The following CSMD1 variants were observed in gnomAD, a reference collection of about 807,000 sequenced individuals.
The protein encoded by CSMD1 is CUB and sushi domain-containing protein 1.
CSMD1 carries 213 observed loss-of-function variants against 417.5 expected under a neutral mutation model. The ratio of observed to expected loss-of-function variants is 0.51; its 90% CI spans 0.46 to 0.57. CSMD1 has a LOEUF of 0.57. CSMD1 is among the 20% of genes least tolerant of loss of function. The probability of loss-of-function intolerance (pLI) is 0.00; values close to 1 mark genes in which losing one functional copy is unlikely to be tolerated. For missense variants in CSMD1, 6,923 were observed against 4,529.7 expected, an observed-to-expected ratio of 1.53 and a Z score of -15.17; for synonymous variants, 2,862 against 1,736.8, an observed-to-expected ratio of 1.65 and a Z score of -16.11.
chr8:4,418,864 G>A (rs547270043), intron 3 of CSMD1, among the ~76,000 whole-genome samples: 14 of 152,232 alleles, frequency 9.2e-5, no homozygotes, highest in African/African-American at 2.9e-4. Context: ...AAATGCGGTG[G>A]CATGAAAGAC....
intron 24 of CSMD1, 77 bp from the exon 25 acceptor site, chr8:3,307,898 A>G: frequency 1.3e-6 from 2 of 1,506,316 alleles, no homozygotes; most frequent in Non-Finnish European, 1.8e-6. Context: ...TTCAAAACCA[A>G]AGCCATTATG....
chr8:4,261,368 A>C (rs551381078), intron 3 of CSMD1, among the ~76,000 whole-genome samples: 9 of 152,264 alleles, frequency 5.9e-5, no homozygotes, highest in Non-Finnish European at 2.9e-5. Context: ...TCTTCTCAGA[A>C]ATAGAGATTA....
intron 1 of CSMD1, among the ~76,000 whole-genome samples, chr8:4,881,971 T>C (rs992172053): frequency 2.0e-5 from 3 of 151,960 alleles, no homozygotes; most frequent in African/African-American, 7.3e-5. Flanking sequence ...GGATATGACA[T>C]GGGGCTCAGC....
chr8:4,981,221 T>G (rs1186058414), intron 1 of CSMD1, among the ~76,000 whole-genome samples: 1 of 152,216 alleles, frequency 6.6e-6, no homozygotes, highest in African/African-American at 2.4e-5. Context: ...GTACAGTGTG[T>G]CATACAACAA....
intron 3 of CSMD1, among the ~76,000 whole-genome samples, chr8:4,347,274 C>T (rs1286776084): frequency 6.6e-6 from 1 of 152,092 alleles, no homozygotes; most frequent in Non-Finnish European, 1.5e-5. Flanking sequence ...GTAATCTCAC[C>T]TTGGCCCTCT....
chr8:3,772,377 ATTCATATATT>A, intron 5 of CSMD1, among the ~76,000 whole-genome samples: 1 of 140,010 alleles, frequency 7.1e-6, no homozygotes, highest in African/African-American at 2.7e-5. Context: ...ATATACATAT[ATTCATATATT>A]TATATATACA....
chr8:3,979,109 A>G (rs543628256), intron 5 of CSMD1, among the ~76,000 whole-genome samples: 3 of 152,204 alleles, frequency 2.0e-5, no homozygotes, highest in Non-Finnish European at 4.4e-5. Flanking sequence ...GCATTTAGAG[A>G]GCTCTACTTC....
intron 26 of CSMD1, among the ~76,000 whole-genome samples, chr8:3,274,117 G>C (rs1802083858): frequency 6.6e-6 from 1 of 151,706 alleles, no homozygotes; most frequent in East Asian, 1.9e-4. Context: ...CAGAGACTCT[G>C]GTATGTTGTG....
Position 4,309,564 on chromosome 8 carries a change from G to C in CSMD1, c.415+110389C>G, listed in dbSNP as rs760203163. 6.6e-4 allele frequency among the ~76,000 whole-genome samples: 100 copies of C among 152,138 alleles called. 2 individuals carry two copies. The highest frequency in any genetic ancestry group is 1.1e-3 in the Non-Finnish European group (72 of 67,992). On this transcript the variant is annotated intron_variant, in intron 3 of 69. Transcript: ENST00000635120. Reference sequence around the variant, plus strand: ...ATAAATCATAGGCTCACATCAAGCAGCCAAACTCTCAGTTCATATGAAATT... The same window carrying C: ...ATAAATCATAGGCTCACATCAAGCACCCAAACTCTCAGTTCATATGAAATT...
At chr8:3,597,956 G>A (rs977296206) in intron 8 of CSMD1, among the ~76,000 whole-genome samples, 4 of 152,274 alleles carry the variant, frequency 2.6e-5, no homozygotes, top group Non-Finnish European at 4.4e-5. Flanking sequence ...TGCACGTTGT[G>A]CACATGTACC....
At chr8:3,384,679 A>G (rs1364936016) in intron 18 of CSMD1, among the ~76,000 whole-genome samples, 3 of 128,550 alleles carry the variant, frequency 2.3e-5, no homozygotes, top group Non-Finnish European at 4.7e-5. Flanking sequence ...CTATTTATAT[A>G]TAAATATATA....
chr8:3,664,351 T>C (rs1445969028), intron 7 of CSMD1, among the ~76,000 whole-genome samples: 1 of 152,196 alleles, frequency 6.6e-6, no homozygotes, highest in East Asian at 1.9e-4. Context: ...AAAATTAAAA[T>C]ATTGGACTTC....
Position 4,792,092 on chromosome 8 carries a change from G to T in CSMD1, c.86-154534C>A, listed in dbSNP as rs531263531. Among the ~76,000 whole-genome samples, 157 of 152,038 alleles carry T rather than the reference G, an allele frequency of 1.0e-3. 1 individual carries two copies. The highest frequency in any genetic ancestry group is 1.9e-3 in the Non-Finnish European group (129 of 67,968). On this transcript the variant is annotated intron_variant, in intron 1 of 69. Coordinates refer to ENST00000635120, the MANE Select transcript of CSMD1 (RefSeq NM_033225.6). ...GTTTTAACTTTAATTCTTTCTATAT[G>T]GAGATCCCTTCCTCCGTATTTTCTA... is the stretch of plus-strand genomic sequence containing the variant.
At chr8:3,229,094 G>A (rs1000088872) in intron 27 of CSMD1, among the ~76,000 whole-genome samples, 3 of 152,164 alleles carry the variant, frequency 2.0e-5, no homozygotes, top group East Asian at 3.9e-4. Context: ...CCGTATCACA[G>A]CTCCCCAAGA....
intron 5 of CSMD1, among the ~76,000 whole-genome samples, chr8:3,886,040 T>A (rs1806542372): frequency 6.6e-6 from 1 of 151,974 alleles, no homozygotes; most frequent in Non-Finnish European, 1.5e-5. Flanking sequence ...CATATATATA[T>A]ATACAGACAC....
chr8:3,772,379 TCA>T (rs1563064102), intron 5 of CSMD1, among the ~76,000 whole-genome samples: 547 of 14,586 alleles, frequency 0.038, 81 homozygotes, highest in African/African-American at 0.046. Context: ...ATACATATAT[TCA>T]TATATTTATA....
At position 4,557,717 on chromosome 8, in the gene CSMD1, A is replaced by C. The variant is rs542137567; in HGVS notation, c.302+79625T>G. Among the ~76,000 whole-genome samples, 424 of 152,206 alleles carry C rather than the reference A, an allele frequency of 2.8e-3. 1 individual carries two copies. Among genetic ancestry groups the C allele is most frequent in the Middle Eastern group, 6.8e-3 (2 of 294 alleles). Reference sequence around the variant, plus strand: ...GAAGGAAAAAGGTCAGATTTAATAAATTTCTATACAGCAAAGGGTCAATTT... The same window carrying C: ...GAAGGAAAAAGGTCAGATTTAATAACTTTCTATACAGCAAAGGGTCAATTT... On this transcript the variant is annotated intron_variant, in intron 2 of 69. Coordinates refer to ENST00000635120, the MANE Select transcript of CSMD1 (RefSeq NM_033225.6).
At chr8:4,971,973 T>G (rs1355974555) in intron 1 of CSMD1, among the ~76,000 whole-genome samples, 1 of 152,006 alleles carries the variant, frequency 6.6e-6, no homozygotes, top group Non-Finnish European at 1.5e-5. Context: ...AATAAACAGG[T>G]GTTAGTGATC....
intron 60 of CSMD1, 71 bp downstream of exon 60, chr8:2,963,151 G>A: frequency 6.5e-7 from 1 of 1,528,952 alleles, no homozygotes; most frequent in South Asian, 1.1e-5. Flanking sequence ...TGTAACCTTA[G>A]GATGTGCCCT....
Sources: gnomAD v4.1 joint callset for allele counts (sites outside exome capture counted in the v4.1 genomes callset) on GRCh38, gnomAD v4.1.1 for gene constraint, MANE v1.5 for transcripts, NCBI Gene and HGNC (gene_info 2026-07-23, HGNC 2026-07-21) for gene names.